SDK1: variants seen among roughly 807,000 people sequenced by gnomAD.
The protein encoded by SDK1 is sidekick cell adhesion molecule 1.
A neutral mutation model predicts 245.5 loss-of-function variants in SDK1; 157 were observed. The observed-to-expected ratio is 0.64, with a 90% CI of 0.56 to 0.73. The LOEUF (loss-of-function observed/expected upper bound fraction) is 0.73, where lower values mean the gene tolerates loss of function less well. Ranked by LOEUF, SDK1 falls within the 30% of genes least tolerant of loss-of-function variation. SDK1 has a pLI of 0.00. For synonymous variants in SDK1, 1,647 were observed against 1,278.5 expected, an observed-to-expected ratio of 1.29 and a Z score of -6.15; for missense variants, 3,583 against 3,002.3, an observed-to-expected ratio of 1.19 and a Z score of -4.52.
At chr7:4,242,352 G>T (rs1786582696) in intron 43 of SDK1, among the ~76,000 whole-genome samples, 1 of 152,154 alleles carries the variant, frequency 6.6e-6, no homozygotes, top group African/African-American at 2.4e-5. Flanking sequence ...GTTTTCCTGT[G>T]CCGATACACA....
chr7:3,781,310 C>T (rs1028543392), intron 4 of SDK1, among the ~76,000 whole-genome samples: 1 of 152,070 alleles, frequency 6.6e-6, no homozygotes, highest in African/African-American at 2.4e-5. Context: ...CCCACAACCC[C>T]ACCTGACATC....
chr7:3,774,438 G>T (rs920965712), intron 4 of SDK1, among the ~76,000 whole-genome samples: 1 of 152,164 alleles, frequency 6.6e-6, no homozygotes, highest in African/African-American at 2.4e-5. Context: ...CAAACCGTAT[G>T]CCAAGCTGCT....
At chr7:4,146,209 C>T (rs1054860654) in intron 29 of SDK1, among the ~76,000 whole-genome samples, 3 of 150,718 alleles carry the variant, frequency 2.0e-5, no homozygotes, top group Admixed American at 6.6e-5. Context: ...ATTGCATTCA[C>T]ACCTTCTGCC....
chr7:3,637,244 T>C (rs1782489112), intron 2 of SDK1, among the ~76,000 whole-genome samples: 1 of 152,046 alleles, frequency 6.6e-6, no homozygotes, highest in African/African-American at 2.4e-5. Flanking sequence ...ATTACAGGCG[T>C]GTGCCACCAC....
intron 1 of SDK1, among the ~76,000 whole-genome samples, chr7:3,346,827 A>ATATATT (rs1228887289): frequency 6.7e-4 from 11 of 16,380 alleles, no homozygotes; most frequent in Admixed American, 1.1e-3. Context: ...ATATATATAT[A>ATATATT]TTTTTTTTTT....
chr7:3,443,769 A>G (rs1472600278), intron 1 of SDK1, among the ~76,000 whole-genome samples: 1 of 152,204 alleles, frequency 6.6e-6, no homozygotes, highest in Admixed American at 6.5e-5. Flanking sequence ...TCAGCAGCGT[A>G]ATGGCTTTTA....
chr7:3,833,010 G>C (rs1779947216), intron 5 of SDK1, among the ~76,000 whole-genome samples: 1 of 152,034 alleles, frequency 6.6e-6, no homozygotes, highest in South Asian at 2.1e-4. Context: ...TGTAGTTTTA[G>C]AGCATCATAA....
intron 5 of SDK1, among the ~76,000 whole-genome samples, chr7:3,846,132 A>G (rs921770324): frequency 1.3e-5 from 2 of 152,210 alleles, no homozygotes. Flanking sequence ...CTGAGAAATG[A>G]CATTCTCTCT....
At chr7:3,495,861 G>C (rs1782009994) in intron 1 of SDK1, among the ~76,000 whole-genome samples, 1 of 152,218 alleles carries the variant, frequency 6.6e-6, no homozygotes, top group Non-Finnish European at 1.5e-5. Context: ...CAGGAAGAGA[G>C]ATGCCAGCGG....
chr7:3,834,340 T>C (rs1333608779), intron 5 of SDK1, among the ~76,000 whole-genome samples: 1 of 152,134 alleles, frequency 6.6e-6, no homozygotes, highest in East Asian at 1.9e-4. Context: ...CTGAGCTCAC[T>C]TTTGCCAGGA....
At chr7:3,572,153 C>A (rs1254417760) in intron 1 of SDK1, among the ~76,000 whole-genome samples, 4 of 152,062 alleles carry the variant, frequency 2.6e-5, no homozygotes, top group Non-Finnish European at 5.9e-5. Flanking sequence ...CACTTATGTT[C>A]AAAGTACTGT....
At chr7:3,554,374 GA>G (rs1311369975) in intron 1 of SDK1, among the ~76,000 whole-genome samples, 1 of 152,038 alleles carries the variant, frequency 6.6e-6, no homozygotes, top group Non-Finnish European at 1.5e-5. Context: ...AGTTTTAAAG[GA>G]AATAAAAATA....
intron 5 of SDK1, among the ~76,000 whole-genome samples, chr7:3,915,739 T>G (rs979540633): frequency 2.0e-5 from 3 of 152,210 alleles, no homozygotes; most frequent in African/African-American, 7.2e-5. Context: ...TGGAAGTTGA[T>G]AAAGTACCCT....
At chr7:3,864,607 C>T (rs1298996800) in intron 5 of SDK1, among the ~76,000 whole-genome samples, 1 of 152,142 alleles carries the variant, frequency 6.6e-6, no homozygotes, top group Non-Finnish European at 1.5e-5. Flanking sequence ...CTTAGACAGC[C>T]CCAAGGACGT....
intron 1 of SDK1, among the ~76,000 whole-genome samples, chr7:3,398,896 T>G (rs1419947451): frequency 1.3e-5 from 2 of 151,922 alleles, no homozygotes; most frequent in Non-Finnish European, 2.9e-5. Flanking sequence ...ATTTTGTGTC[T>G]CCAGTTTTCA....
At chr7:3,742,809 G>T (rs999754955) in intron 4 of SDK1, among the ~76,000 whole-genome samples, 6 of 152,124 alleles carry the variant, frequency 3.9e-5, no homozygotes, top group African/African-American at 1.2e-4. Context: ...TTTCCTACAA[G>T]GTCAGTGTCC....
At chr7:4,103,578 T>G (rs1164718793) in intron 22 of SDK1, among the ~76,000 whole-genome samples, 17 of 152,234 alleles carry the variant, frequency 1.1e-4, no homozygotes. Context: ...GATCATCTGT[T>G]TTGGAGCTCC....
intron 4 of SDK1, among the ~76,000 whole-genome samples, chr7:3,723,933 TATATATATATAGAGAG>T (rs1562397712): frequency 2.1e-4 from 25 of 119,820 alleles, no homozygotes; most frequent in South Asian, 1.7e-3. Flanking sequence ...CGTATATATA[TATATATATATAGAGAG>T]AGAGAGAGAG....
Position 4,205,949 on chromosome 7 carries a change from C to A in SDK1, c.5169C>A (p.Asp1723Glu). ...CCAGCCAGCTGGAGGTCACGTGGGA[C>A]CCACCACCCCCGGAGAGCCAGAATG... is the stretch of plus-strand genomic sequence containing the variant. ...LTASQLEVTW[D>E]PPPPESQNGN... is the part of the protein sequence containing the mutation. The change falls in exon 36 of 45, where the codon GAC becomes GAA. Residue 1723 changes from aspartate to glutamate, a missense_variant. Transcript: ENST00000404826. The A allele has an allele frequency of 6.4e-7, 1 of 1,563,068 alleles. No individual in the cohort carries two copies. Among genetic ancestry groups the A allele is most frequent in the Non-Finnish European group, 8.7e-7 (1 of 1,153,226 alleles).
Sources: gnomAD v4.1 joint callset for allele counts (sites outside exome capture counted in the v4.1 genomes callset) on GRCh38, gnomAD v4.1.1 for gene constraint, MANE v1.5 for transcripts, NCBI Gene and HGNC (gene_info 2026-07-23, HGNC 2026-07-21) for gene names.